The following KIAA2012 variants were observed in gnomAD, a reference collection of about 807,000 sequenced individuals.
KIAA2012 encodes uncharacterized protein KIAA2012.
KIAA2012 carries 125 observed loss-of-function variants against 150.6 expected under a neutral mutation model. That is an observed-to-expected ratio of 0.83 (90% CI 0.72 to 0.96). The LOEUF (loss-of-function observed/expected upper bound fraction) is 0.96. Ranked by LOEUF, KIAA2012 falls within the 40% of genes least tolerant of loss-of-function variation. The pLI, the probability that KIAA2012 is intolerant of heterozygous loss-of-function variation, is 0.00. For missense variants in KIAA2012, 1,219 were observed against 1,354.9 expected, an observed-to-expected ratio of 0.90 and a Z score of 1.57; for synonymous variants, 462 against 504.7, an observed-to-expected ratio of 0.92 and a Z score of 1.13.
intron 12 of KIAA2012, among the ~76,000 whole-genome samples, chr2:202,129,445 C>T (rs1293178588): frequency 6.6e-6 from 1 of 152,100 alleles, no homozygotes; most frequent in African/African-American, 2.4e-5. Flanking sequence ...GTCTCGAACT[C>T]CTGACCTCAG....
chr2:202,203,180 G>A (rs1347274346), intron 23 of KIAA2012, among the ~76,000 whole-genome samples: 2 of 152,090 alleles, frequency 1.3e-5, no homozygotes, highest in Non-Finnish European at 2.9e-5. Context: ...AAACACTAAC[G>A]TGGTCTTAGG....
chr2:202,118,386 A>G (rs1045445285), intron 11 of KIAA2012, among the ~76,000 whole-genome samples: 1 of 152,178 alleles, frequency 6.6e-6, no homozygotes, highest in African/African-American at 2.4e-5. Context: ...AGAGGCTAGA[A>G]GGCTAAAAAC....
intron 16 of KIAA2012, 26 bp downstream of exon 16, chr2:202,184,869 T>C: frequency 1.3e-6 from 2 of 1,491,260 alleles, no homozygotes; most frequent in Non-Finnish European, 1.8e-6. Context: ...TGTAATAACA[T>C]AGGCTTCTCT....
chr2:202,097,721 C>G, intron 5 of KIAA2012, 144 bp downstream of exon 5: 1 of 948,778 alleles, frequency 1.1e-6, no homozygotes, highest in Non-Finnish European at 1.5e-6. Flanking sequence ...TCCTGAATAG[C>G]TGGGACTACA....
chr2:202,107,557 C>A (rs1254785538), intron 9 of KIAA2012, among the ~76,000 whole-genome samples: 2 of 152,200 alleles, frequency 1.3e-5, no homozygotes, highest in Non-Finnish European at 2.9e-5. Flanking sequence ...TTGCACTGCC[C>A]TACATTTGTT....
At chr2:202,132,890 A>C (rs771059121) in intron 12 of KIAA2012, among the ~76,000 whole-genome samples, 4 of 136,044 alleles carry the variant, frequency 2.9e-5, no homozygotes, top group Non-Finnish European at 6.2e-5. Context: ...AGGTCAGGAG[A>C]TCGAGACCAT....
intron 19 of KIAA2012, among the ~76,000 whole-genome samples, chr2:202,192,981 C>T (rs977351043): frequency 2.6e-5 from 4 of 152,182 alleles, no homozygotes; most frequent in Non-Finnish European, 5.9e-5. Context: ...ACTCTAGAAC[C>T]TACCATGTAC....
At chr2:202,133,885 A>C (rs1192889886) in intron 12 of KIAA2012, among the ~76,000 whole-genome samples, 1 of 152,268 alleles carries the variant, frequency 6.6e-6, no homozygotes, top group Non-Finnish European at 1.5e-5. Flanking sequence ...GTCTTGAGTC[A>C]CATCATATAA....
In KIAA2012 at chr2:202,190,502, T is replaced by G. The variant is rs1692309947; in HGVS notation, c.2811+9T>G. On this transcript the variant is annotated intron_variant, in intron 19 of 23. Coordinates refer to ENST00000498697, the MANE Select transcript of KIAA2012 (RefSeq NM_001277372.4). ...GTGAGGACCCTTCCAAGGTAGGGTC[T>G]GATGTCCTCAGCTTGACAGAGGAAG... 1 of 1,485,894 alleles carries G rather than the reference T, an allele frequency of 6.7e-7. No homozygotes were observed. The highest frequency in any genetic ancestry group is 1.4e-5 in the South Asian group (1 of 73,792). 92.0% of individuals were successfully genotyped at this position (1,485,894 alleles called of 1,614,324 possible). A position where few individuals can be genotyped will look rare whatever the true frequency, so the allele number is the denominator to read the frequency against.
chr2:202,176,407 G>A (rs190700612), intron 15 of KIAA2012, among the ~76,000 whole-genome samples: 6 of 152,176 alleles, frequency 3.9e-5, no homozygotes, highest in South Asian at 2.1e-4. Flanking sequence ...ATGTTGGCCA[G>A]GCTGGTCTCA....
intron 2 of KIAA2012, among the ~76,000 whole-genome samples, chr2:202,082,504 G>A (rs1215943735): frequency 6.6e-6 from 1 of 152,236 alleles, no homozygotes; most frequent in South Asian, 2.1e-4. Flanking sequence ...GCTAAGGCAG[G>A]AGAATTGCTT....
intron 2 of KIAA2012, among the ~76,000 whole-genome samples, chr2:202,082,985 A>G (rs1689485139): frequency 6.6e-6 from 1 of 152,158 alleles, no homozygotes; most frequent in Admixed American, 6.5e-5. Context: ...AGGATTACAA[A>G]TCCAGGCAGA....
chr2:202,160,520 A>G (rs1338507111), intron 14 of KIAA2012, among the ~76,000 whole-genome samples: 24 of 151,966 alleles, frequency 1.6e-4, no homozygotes, highest in African/African-American at 2.4e-4. Flanking sequence ...TTACCATGTT[A>G]GCCAGCATGG....
At chr2:202,185,416 G>A (rs369447528) in intron 16 of KIAA2012, among the ~76,000 whole-genome samples, 6 of 152,042 alleles carry the variant, frequency 3.9e-5, no homozygotes, top group Admixed American at 6.6e-5. Context: ...CAAAAACCTC[G>A]ATGACTTGAG....
At chr2:202,173,406 C>T (rs745739591) in intron 15 of KIAA2012, among the ~76,000 whole-genome samples, 12 of 152,084 alleles carry the variant, frequency 7.9e-5, no homozygotes, top group Admixed American at 6.5e-5. Context: ...CCCGTCTCTA[C>T]TAAAAATACA....
intron 2 of KIAA2012, chr2:202,077,211 A>G (rs1285635314): frequency 8.2e-6 from 3 of 364,720 alleles, no homozygotes; most frequent in East Asian, 7.4e-5. Context: ...GAGGTCTCCA[A>G]TCACCTGTAC....
Position 202,105,895 on chromosome 2 carries a change from A to C in KIAA2012, c.1459A>C (p.Thr487Pro). Residue 487 changes from threonine to proline, a missense_variant, in exon 9 of 24, where the codon ACA (threonine) becomes CCA (proline). Physicochemically the swap from Thr to Pro is conservative, Grantham distance 38. Coordinates refer to ENST00000498697, the MANE Select transcript of KIAA2012 (RefSeq NM_001277372.4). The stretch of plus-strand genomic sequence containing the variant: ...TCTCCCAGTGGACGCGAGCAGGGAC[A>C]CACTCTCACCTCAAGGTAGCTCCTC... ...VHLPVDASRD[T>P]LSPQDDDAPP... 4 of 1,550,936 alleles carry C rather than the reference A, an allele frequency of 2.6e-6. No individual in the cohort carries two copies. Among genetic ancestry groups the C allele is most frequent in the Non-Finnish European group, 3.5e-6 (4 of 1,147,066 alleles).
At chr2:202,169,712 A>C (rs1280714097) in intron 15 of KIAA2012, among the ~76,000 whole-genome samples, 1 of 152,232 alleles carries the variant, frequency 6.6e-6, no homozygotes, top group African/African-American at 2.4e-5. Context: ...GTCTCACCCC[A>C]GACCTGCCTG....
intron 1 of KIAA2012, 51 bp downstream of exon 1, chr2:202,073,762 C>T: frequency 6.8e-7 from 1 of 1,476,920 alleles, no homozygotes; most frequent in Non-Finnish European, 9.2e-7. Flanking sequence ...GAGAGGAATG[C>T]TCTATGTTTC....
Sources: gnomAD v4.1 joint callset for allele counts (sites outside exome capture counted in the v4.1 genomes callset) on GRCh38, gnomAD v4.1.1 for gene constraint, MANE v1.5 for transcripts, NCBI Gene and HGNC (gene_info 2026-07-23, HGNC 2026-07-21) for gene names.